THAP3: variants seen among roughly 807,000 people sequenced by gnomAD.
THAP3 encodes THAP domain containing 3.
In THAP3, 12 loss-of-function variants were observed where a neutral mutation model predicts 17.7. The ratio of observed to expected loss-of-function variants is 0.68; its 90% CI spans 0.43 to 1.10. The LOEUF is 1.10. Among genes scored for constraint, THAP3 ranks in the 50% least tolerant of loss-of-function variants. THAP3 has a pLI of 0.00. For synonymous variants in THAP3, 133 were observed against 126.9 expected, an observed-to-expected ratio of 1.05 and a Z score of -0.32; for missense variants, 289 against 318.0, an observed-to-expected ratio of 0.91 and a Z score of 0.69.
chr1:6,628,279 G>C, intron 2 of THAP3: 1 of 508,416 alleles, frequency 2.0e-6, no homozygotes, highest in Non-Finnish European at 3.5e-6. Context: ...CAGCTCACTT[G>C]GGCTCTCTGG....
downstream of THAP3, chr1:6,634,059 C>T (rs138002206): frequency 5.8e-3 from 9,302 of 1,613,752 alleles, 40 homozygotes; most frequent in Non-Finnish European, 6.7e-3. Context: ...CCCAGCTTCA[C>T]GTGAAGCCTT....
At chr1:6,634,508 C>A (rs761808804), downstream of THAP3, 1 of 1,348,980 alleles carries the variant, frequency 7.4e-7, no homozygotes, top group African/African-American at 1.5e-5. Context: ...CAGCTTGGGG[C>A]CCCCCGCGCC....
downstream of THAP3, chr1:6,634,690 C>T (rs770912617): frequency 1.2e-5 from 17 of 1,365,888 alleles, no homozygotes; most frequent in South Asian, 3.4e-5. Flanking sequence ...CAAGTGGGCA[C>T]GTGGAGGAAG....
chr1:6,628,821 C>A, intron 3 of THAP3, 130 bp downstream of exon 3: 1 of 911,874 alleles, frequency 1.1e-6, no homozygotes. Flanking sequence ...ACAGCACTGT[C>A]ACGCCTCTGG....
chr1:6,631,653 C>G (rs908135835), intron 4 of THAP3, among the ~76,000 whole-genome samples: 1 of 152,092 alleles, frequency 6.6e-6, no homozygotes, highest in East Asian at 1.9e-4. Context: ...ACCTGTAATC[C>G]TAGCACTTTG....
downstream of THAP3, chr1:6,635,526 T>C (rs921620216): frequency 5.8e-6 from 5 of 866,404 alleles, no homozygotes; most frequent in Middle Eastern, 3.1e-4. Context: ...GGTGTCTGCA[T>C]GTCCCTTCAC....
In THAP3 at chr1:6,633,354, G is replaced by A; in HGVS notation, c.*277G>A. The stretch of plus-strand genomic sequence containing the variant: ...GTCCAGGCTGAGGCTGATTCTGGAC[G>A]CTGTCCTTTCAGCACACGCAGAGCA... On this transcript the variant is annotated 3_prime_UTR_variant, in exon 6 of 6. Transcript: ENST00000054650. 6.0e-6 allele frequency: 8 copies of A among 1,330,708 alleles called. No individual in the cohort carries two copies. Among genetic ancestry groups the A allele is most frequent in the African/African-American group, 1.5e-5 (1 of 67,678 alleles). The allele number at this position is 1,330,708 out of a possible 1,614,324, so 82.4% of individuals were successfully genotyped here. A position where few individuals can be genotyped will look rare whatever the true frequency, so the allele number is the denominator to read the frequency against.
At chr1:6,627,753 C>T (rs1482525110) in intron 2 of THAP3, 3 of 152,272 alleles carry the variant, frequency 2.0e-5, no homozygotes, top group Non-Finnish European at 4.4e-5. Context: ...CTCAATTTTA[C>T]CATCTACAGG....
intron 1 of THAP3, 36 bp from the exon 2 acceptor site, chr1:6,625,114 G>A: frequency 7.6e-7 from 1 of 1,322,568 alleles, no homozygotes; most frequent in Non-Finnish European, 1.0e-6. Context: ...AGCCAGGCCC[G>A]TCACCACCTC....
At chr1:6,634,744 G>A (rs765643332), downstream of THAP3, 1 of 1,351,002 alleles carries the variant, frequency 7.4e-7, no homozygotes, top group Non-Finnish European at 9.9e-7. Flanking sequence ...GTGTTCCTGT[G>A]AGGACGCTGG....
Position 6,632,393 on chromosome 1 carries a change from C to G in THAP3, c.336C>G (p.Val112=), listed in dbSNP as rs770184679. ...GNASSSQKEK[V]LPEAGAGEDS... ...AGACTTCACCCTGCCGTTCCCAGGT[C>G]CTCCCTGAGGCGGGGGCCGGAGAGG... Residue 112 remains valine (V), a splice_region_variant and synonymous_variant, in exon 5 of 6, where the codon GTC becomes GTG. Transcript: ENST00000054650. 6.2e-7 allele frequency: 1 copy of G among 1,613,628 alleles called. No individual in the cohort carries two copies. Among genetic ancestry groups the G allele is most frequent in the South Asian group, 1.1e-5 (1 of 91,056 alleles).
chr1:6,625,192 G>A lies in THAP3; in HGVS notation c.-27G>A. 1 of 1,535,290 alleles carries A rather than the reference G, an allele frequency of 6.5e-7. No homozygotes were observed. Among genetic ancestry groups the A allele is most frequent in the Non-Finnish European group, 8.7e-7 (1 of 1,143,488 alleles). ...AGGCCCCGCCGCCGCCGCCATCTTT[G>A]TTGGGGGCAGCCAGGCCTGGCTCGA... On this transcript the variant is annotated 5_prime_UTR_variant, in exon 2 of 6. Transcript: ENST00000054650.
intron 2 of THAP3, among the ~76,000 whole-genome samples, chr1:6,625,540 T>A (rs1641445302): frequency 6.6e-6 from 1 of 151,892 alleles, no homozygotes; most frequent in South Asian, 2.1e-4. Context: ...GCGGAGCAGG[T>A]GTTTGCTGAA....
At chr1:6,635,503 C>T (rs138818967), downstream of THAP3, 5 of 699,840 alleles carry the variant, frequency 7.1e-6, no homozygotes, top group Non-Finnish European at 1.2e-5. Context: ...CCCCCAGCAC[C>T]CTCAAAAGCT....
intron 4 of THAP3, among the ~76,000 whole-genome samples, chr1:6,631,197 T>A (rs1641604284): frequency 7.5e-6 from 1 of 133,900 alleles, no homozygotes; most frequent in Non-Finnish European, 1.6e-5. Context: ...TTTTTTTTTT[T>A]TAGAAATGGG....
intron 5 of THAP3, 112 bp from the exon 6 acceptor site, chr1:6,632,684 G>A (rs1321353219): frequency 9.5e-6 from 14 of 1,468,114 alleles, no homozygotes; most frequent in Admixed American, 1.8e-5. Flanking sequence ...GGAGCAGCCC[G>A]GAGTGTCTAG....
chr1:6,633,524 C>G lies in THAP3; in HGVS notation c.*447C>G. On this transcript the variant is annotated 3_prime_UTR_variant, in exon 6 of 6. Coordinates refer to ENST00000054650, the MANE Select transcript of THAP3 (RefSeq NM_001195753.2). ...TCTAAGGAGTGACTCCTGTCCCGGC[C>G]TGGTGTGAGTGGGCAGTGTAATAAA... 9.1e-7 allele frequency: 1 copy of G among 1,098,738 alleles called. No individual in the cohort carries two copies. 68.1% of individuals were successfully genotyped at this position (1,098,738 alleles called of 1,614,324 possible). A position where few individuals can be genotyped will look rare whatever the true frequency, so the allele number is the denominator to read the frequency against.
rs545814166 is a variant in THAP3, at chr1:6,632,964, C to T, written c.607C>T (p.Arg203Trp). 114 of 1,612,940 alleles carry T rather than the reference C, an allele frequency of 7.1e-5. 1 individual carries two copies. The highest frequency in any genetic ancestry group is 5.0e-4 in the Middle Eastern group (3 of 6,060). ...CACTCTGAAGGAAAATGAAAAGCTC[C>T]GGAAGCGCTTGCAGGCCCAGAGGCT... Reference protein sequence around the residue: ...FLTLKENEKLRKRLQAQRLVM... With the variant: ...FLTLKENEKLWKRLQAQRLVM... Residue 203 changes from arginine to tryptophan, a missense_variant, in exon 6 of 6, where the codon CGG becomes TGG. Coordinates refer to ENST00000054650, the MANE Select transcript of THAP3 (RefSeq NM_001195753.2).
In THAP3 at chr1:6,630,160, T is replaced by C. The variant is rs761490331; in HGVS notation, c.268-128T>C. The C allele has an allele frequency of 1.3e-5, 11 of 817,442 alleles. No homozygotes were observed. In the Admixed American group the frequency reaches 1.6e-4, roughly 12 times the overall value. The allele number at this position is 817,442 out of a possible 1,614,324, so 50.6% of individuals were successfully genotyped here. ...TGGGCTGAGCTTCAGGTCAGTTTCA[T>C]TTAGCAGCTGTTCGTTGACTGGGGC... On this transcript the variant is annotated intron_variant, in intron 3 of 5. Coordinates refer to ENST00000054650, the MANE Select transcript of THAP3 (RefSeq NM_001195753.2).
Sources: gnomAD v4.1 joint callset for allele counts (sites outside exome capture counted in the v4.1 genomes callset) on GRCh38, gnomAD v4.1.1 for gene constraint, MANE v1.5 for transcripts, NCBI Gene and HGNC (gene_info 2026-07-23, HGNC 2026-07-21) for gene names.